The following DOK6 variants were observed in gnomAD, a reference collection of about 807,000 sequenced individuals.
The protein encoded by DOK6 is downstream of tyrosine kinase 6.
A neutral mutation model predicts 44.0 loss-of-function variants in DOK6; 22 were observed. The ratio of observed to expected loss-of-function variants is 0.50; its 90% CI spans 0.36 to 0.71. The LOEUF (loss-of-function observed/expected upper bound fraction) is 0.71. DOK6 is among the 30% of genes least tolerant of loss of function. DOK6 has a pLI of 0.00. For synonymous variants in DOK6, 166 were observed against 145.5 expected (o/e 1.14, Z -1.01); for missense variants, 340 against 416.4 (o/e 0.82, Z 1.60).
chr18:69,792,850 T>C (rs1217397745), intron 7 of DOK6, among the ~76,000 whole-genome samples: 1 of 152,106 alleles, frequency 6.6e-6, no homozygotes, highest in East Asian at 1.9e-4. Flanking sequence ...TGCTAAATCG[T>C]CCTTCAGGAG....
chr18:69,526,331 A>C (rs1359125685), intron 1 of DOK6, among the ~76,000 whole-genome samples: 1 of 152,178 alleles, frequency 6.6e-6, no homozygotes, highest in Non-Finnish European at 1.5e-5. Context: ...GAATGTACAC[A>C]ATGTCAGCTT....
intron 3 of DOK6, among the ~76,000 whole-genome samples, chr18:69,615,593 A>T (rs760462657): frequency 4.6e-5 from 7 of 152,250 alleles, no homozygotes; most frequent in African/African-American, 1.7e-4. Flanking sequence ...GGAAAGCTAT[A>T]TAGCAATGTC....
At chr18:69,443,875 A>C (rs1334114278) in intron 1 of DOK6, among the ~76,000 whole-genome samples, 1 of 152,124 alleles carries the variant, frequency 6.6e-6, no homozygotes, top group Non-Finnish European at 1.5e-5. Context: ...TTCAGAGTGG[A>C]GGTCAAGTCT....
chr18:69,532,131 C>T (rs1982002398), intron 1 of DOK6, among the ~76,000 whole-genome samples: 1 of 152,186 alleles, frequency 6.6e-6, no homozygotes, highest in South Asian at 2.1e-4. Context: ...GACTTCCTGG[C>T]TTCCAGAACT....
intron 1 of DOK6, among the ~76,000 whole-genome samples, chr18:69,526,972 T>C (rs1213234429): frequency 6.6e-6 from 1 of 152,176 alleles, no homozygotes; most frequent in Non-Finnish European, 1.5e-5. Flanking sequence ...CCCCTTCCCT[T>C]GCTTATCTGT....
intron 2 of DOK6, among the ~76,000 whole-genome samples, chr18:69,581,773 G>A (rs556193760): frequency 6.6e-6 from 1 of 152,308 alleles, no homozygotes; most frequent in East Asian, 1.9e-4. Flanking sequence ...TGGCAAATGA[G>A]ATATAAATTA....
intron 1 of DOK6, among the ~76,000 whole-genome samples, chr18:69,449,314 G>A (rs1169650191): frequency 6.6e-6 from 1 of 152,164 alleles, no homozygotes; most frequent in African/African-American, 2.4e-5. Context: ...CAGCATTGTA[G>A]AAATGTGATC....
intron 1 of DOK6, among the ~76,000 whole-genome samples, chr18:69,536,503 C>T (rs1982126431): frequency 6.6e-6 from 1 of 150,664 alleles, no homozygotes; most frequent in Non-Finnish European, 1.5e-5. Flanking sequence ...TCCATTTAGC[C>T]ATGTATATAA....
chr18:69,738,887 G>T, intron 5 of DOK6, 78 bp from the exon 6 acceptor site: 1 of 1,555,944 alleles, frequency 6.4e-7, no homozygotes, highest in East Asian at 2.3e-5. Context: ...ACAAGGGCAA[G>T]GGCTTTGTCT....
chr18:69,585,269 TCTG>T (rs1223340879), intron 2 of DOK6, among the ~76,000 whole-genome samples: 1 of 151,840 alleles, frequency 6.6e-6, no homozygotes, highest in Admixed American at 6.5e-5. Flanking sequence ...TTTTTAGAAA[TCTG>T]CTATTTATTT....
At chr18:69,413,522 C>G (rs1978314817) in intron 1 of DOK6, among the ~76,000 whole-genome samples, 1 of 152,064 alleles carries the variant, frequency 6.6e-6, no homozygotes, top group Non-Finnish European at 1.5e-5. Flanking sequence ...AAGAGGAATG[C>G]CTTTTCAGCA....
At chr18:69,721,817 T>TA (rs1327958889) in intron 5 of DOK6, among the ~76,000 whole-genome samples, 1 of 152,168 alleles carries the variant, frequency 6.6e-6, no homozygotes, top group African/African-American at 2.4e-5. Flanking sequence ...AAAGACAACC[T>TA]AAAAAAATAA....
intron 1 of DOK6, among the ~76,000 whole-genome samples, chr18:69,487,737 C>T (rs1189144939): frequency 7.2e-5 from 11 of 152,142 alleles, no homozygotes; most frequent in East Asian, 1.9e-4. Context: ...AATTCTAGAG[C>T]GGGAGATCTT....
At chr18:69,600,981 T>C (rs1349864550) in intron 3 of DOK6, among the ~76,000 whole-genome samples, 1 of 152,242 alleles carries the variant, frequency 6.6e-6, no homozygotes, top group Non-Finnish European at 1.5e-5. Flanking sequence ...CAATTTTATG[T>C]ATTTATACAG....
chr18:69,837,993 C>T (rs546818250), intron 7 of DOK6, among the ~76,000 whole-genome samples: 7 of 152,230 alleles, frequency 4.6e-5, no homozygotes, highest in African/African-American at 1.4e-4. Flanking sequence ...AGTCATACTT[C>T]CACACTTTGC....
Position 69,714,287 on chromosome 18 carries a change from TG to T in DOK6, c.599+15699del, listed in dbSNP as rs1200496959. Among the ~76,000 whole-genome samples, 3 of 152,286 alleles carry T rather than the reference TG, an allele frequency of 2.0e-5. No homozygotes were observed. The East Asian group carries it at 5.8e-4, about 29-fold the overall frequency. On this transcript the variant is annotated intron_variant, in intron 5 of 7. Coordinates refer to ENST00000382713, the MANE Select transcript of DOK6 (RefSeq NM_152721.6). ...ATTTCCTAACTCACACACTCCTTGC[TG>T]GGGGCACTAGTGCAGACCTGGTGTA...
At chr18:69,707,364 C>T (rs955713507) in intron 5 of DOK6, among the ~76,000 whole-genome samples, 1 of 152,196 alleles carries the variant, frequency 6.6e-6, no homozygotes, top group Non-Finnish European at 1.5e-5. Context: ...ACTCTTAAGA[C>T]ATGAAATCGG....
At chr18:69,702,340 C>T (rs1364001474) in intron 5 of DOK6, among the ~76,000 whole-genome samples, 3 of 152,094 alleles carry the variant, frequency 2.0e-5, no homozygotes, top group Non-Finnish European at 4.4e-5. Flanking sequence ...AACAAGGTCT[C>T]GTGTTTCTCT....
chr18:69,481,492 C>A (rs1201498719), intron 1 of DOK6, among the ~76,000 whole-genome samples: 9 of 151,916 alleles, frequency 5.9e-5, no homozygotes, highest in Non-Finnish European at 1.3e-4. Flanking sequence ...TTTGTCCTTG[C>A]GATAGTTTCT....
Sources: allele counts gnomAD v4.1 joint callset (sites outside exome capture counted in the v4.1 genomes callset), GRCh38; gene constraint gnomAD v4.1.1; transcripts MANE v1.5; gene names NCBI Gene and HGNC (gene_info 2026-07-23, HGNC 2026-07-21).